The following MRAS variants were observed in gnomAD, a reference collection of about 807,000 sequenced individuals.
MRAS encodes the protein ras-related protein M-Ras.
MRAS carries 4 observed loss-of-function variants against 20.9 expected under a neutral mutation model. The observed-to-expected ratio is 0.19, with a 90% confidence interval of 0.09 to 0.44. The LOEUF (loss-of-function observed/expected upper bound fraction) is 0.44, where lower values mean the gene tolerates loss of function less well. Among genes scored for constraint, MRAS ranks in the 20% least tolerant of loss-of-function variants. MRAS has a pLI of 0.99. For missense variants in MRAS, 154 were observed against 277.5 expected (o/e 0.56, Z 3.16); for synonymous variants, 98 against 102.9 (o/e 0.95, Z 0.29).
intron 2 of MRAS, among the ~76,000 whole-genome samples, chr3:138,378,931 T>C (rs1187914161): frequency 6.6e-6 from 1 of 152,100 alleles, no homozygotes; most frequent in Non-Finnish European, 1.5e-5. Flanking sequence ...CCTTTTCTTT[T>C]ATTGATATCA....
intron 1 of MRAS, chr3:138,349,477 TG>T (rs1275469429): frequency 6.6e-6 from 1 of 152,358 alleles, no homozygotes; most frequent in Non-Finnish European, 1.5e-5. Context: ...GAGGAGTTAA[TG>T]TCTGGCTGGC....
chr3:138,404,107 C>T lies in MRAS; in HGVS notation c.*1838C>T, dbSNP rs961926341. Reference sequence around the variant, plus strand: ...AGGCACTTCAAAGTTTCCTTAGACCCTATAGTGTTAAGAGGTATTTTAAAC... The same window carrying T: ...AGGCACTTCAAAGTTTCCTTAGACCTTATAGTGTTAAGAGGTATTTTAAAC... On this transcript the variant is annotated 3_prime_UTR_variant, in exon 6 of 6. Transcript: ENST00000423968. 2 of 152,236 alleles carry T rather than the reference C, an allele frequency of 1.3e-5. No homozygotes were observed. The highest frequency in any genetic ancestry group is 2.9e-5 in the Non-Finnish European group (2 of 68,054). 9.4% of individuals were successfully genotyped at this position (152,236 alleles called of 1,614,324 possible). A position where few individuals can be genotyped will look rare whatever the true frequency, so the allele number is the denominator to read the frequency against.
intron 2 of MRAS, among the ~76,000 whole-genome samples, chr3:138,380,318 C>CT (rs959582615): frequency 1.5e-4 from 21 of 136,868 alleles, no homozygotes; most frequent in East Asian, 6.6e-4. Context: ...ATTCTACTTT[C>CT]TTTTTTTTTT....
At chr3:138,370,892 A>C (rs2054661193) in intron 1 of MRAS, among the ~76,000 whole-genome samples, 1 of 152,190 alleles carries the variant, frequency 6.6e-6, no homozygotes, top group African/African-American at 2.4e-5. Context: ...GATCAGGTGT[A>C]CTTACTAGCT....
intron 2 of MRAS, among the ~76,000 whole-genome samples, chr3:138,388,901 G>A (rs2055071273): frequency 6.6e-6 from 1 of 151,536 alleles, no homozygotes; most frequent in South Asian, 2.1e-4. Flanking sequence ...GAGTGCAGTG[G>A]CGCAGTCTCG....
intron 1 of MRAS, among the ~76,000 whole-genome samples, chr3:138,353,261 A>C (rs952340244): frequency 2.6e-5 from 4 of 152,224 alleles, no homozygotes. Flanking sequence ...TAAGTAAAAA[A>C]AAAGAAAATT....
At chr3:138,395,068 T>C (rs1331150670) in intron 2 of MRAS, among the ~76,000 whole-genome samples, 1 of 151,972 alleles carries the variant, frequency 6.6e-6, no homozygotes, top group East Asian at 1.9e-4. Flanking sequence ...CAGACGGAGT[T>C]TTGCTCTTAT....
rs552199711 is a variant in MRAS at position 138,363,312 on chromosome 3, C to T, written c.-18-9554C>T. 2.0e-5 allele frequency among the ~76,000 whole-genome samples: 3 copies of T among 152,268 alleles called. No individual in the cohort carries two copies. In the East Asian group the frequency reaches 5.8e-4, roughly 29 times the overall value. Reference sequence around the variant, plus strand: ...ACCTGACCTCGTGATTCACCCACCTCGGCCTTCCAAAGTGCTGGGATTACA... The same window carrying T: ...ACCTGACCTCGTGATTCACCCACCTTGGCCTTCCAAAGTGCTGGGATTACA... On this transcript the variant is annotated intron_variant, in intron 1 of 5. Transcript: ENST00000423968.
chr3:138,350,811 C>T (rs2054211815), intron 1 of MRAS, among the ~76,000 whole-genome samples: 1 of 152,026 alleles, frequency 6.6e-6, no homozygotes, highest in African/African-American at 2.4e-5. Context: ...GGCCTGGTGG[C>T]ATGCACCTGT....
At chr3:138,366,448 A>G (rs1560167969) in intron 1 of MRAS, among the ~76,000 whole-genome samples, 3 of 152,220 alleles carry the variant, frequency 2.0e-5, no homozygotes, top group South Asian at 4.1e-4. Context: ...GACTCTTTAA[A>G]ATAATTAGTA....
chr3:138,373,195 G>A, intron 2 of MRAS, 119 bp downstream of exon 2: 1 of 947,006 alleles, frequency 1.1e-6, no homozygotes, highest in Non-Finnish European at 1.5e-6. Context: ...TGGGATGGTT[G>A]ATATAAAGCC....
At chr3:138,352,421 A>C (rs1303192749) in intron 1 of MRAS, among the ~76,000 whole-genome samples, 1 of 152,184 alleles carries the variant, frequency 6.6e-6, no homozygotes, top group African/African-American at 2.4e-5. Flanking sequence ...ATGAAGCAGC[A>C]ATGTGTATTT....
At chr3:138,368,148 A>G (rs957638388) in intron 1 of MRAS, among the ~76,000 whole-genome samples, 1 of 152,192 alleles carries the variant, frequency 6.6e-6, no homozygotes, top group Non-Finnish European at 1.5e-5. Context: ...GCCATTTCCC[A>G]TGGAAACAAT....
chr3:138,386,507 G>T lies in MRAS; in HGVS notation c.194-10817G>T, dbSNP rs558663402. On this transcript the variant is annotated intron_variant, in intron 2 of 5. Coordinates refer to ENST00000423968, the MANE Select transcript of MRAS (RefSeq NM_001085049.3). ...CATTTTGTTTTTTGTTTTTGAGATG[G>T]AGTTTCACTCTTGTTGCCCTGACTG... is the stretch of plus-strand genomic sequence containing the variant. Among the ~76,000 whole-genome samples, 201 of 152,226 alleles carry T rather than the reference G, an allele frequency of 1.3e-3. 4 individuals are homozygous for T. In the South Asian group the frequency reaches 0.038, roughly 29 times the overall value.
intron 1 of MRAS, among the ~76,000 whole-genome samples, chr3:138,372,073 G>C (rs933317318): frequency 6.6e-6 from 1 of 152,060 alleles, no homozygotes; most frequent in Non-Finnish European, 1.5e-5. Flanking sequence ...TCTTCACTGG[G>C]GGGGACTGCC....
intron 1 of MRAS, among the ~76,000 whole-genome samples, chr3:138,367,866 G>A (rs753004436): frequency 6.6e-6 from 1 of 152,246 alleles, no homozygotes; most frequent in Non-Finnish European, 1.5e-5. Flanking sequence ...GGGAGCAAGA[G>A]GCAGACAACA....
Position 138,373,096 on chromosome 3 carries a change from C to A in MRAS, c.193+20C>A. 1 of 1,433,604 alleles carries A rather than the reference C, an allele frequency of 7.0e-7. No individual in the cohort carries two copies. Among genetic ancestry groups the A allele is most frequent in the Non-Finnish European group, 9.2e-7 (1 of 1,090,592 alleles). 88.8% of individuals were successfully genotyped at this position (1,433,604 alleles called of 1,614,324 possible). ...TGGACGGTGAGACCTGGGTGGCAGC[C>A]CTGCATTGGGTGGGATAGTAGATGG... is the stretch of plus-strand genomic sequence containing the variant. On this transcript the variant is annotated intron_variant, in intron 2 of 5. Transcript: ENST00000423968.
intron 1 of MRAS, among the ~76,000 whole-genome samples, chr3:138,367,015 G>A (rs1192715408): frequency 6.6e-6 from 1 of 152,168 alleles, no homozygotes; most frequent in Non-Finnish European, 1.5e-5. Flanking sequence ...GAACCTGGAA[G>A]CCTGAGGAGA....
rs138905383 is a variant in MRAS, at chr3:138,397,436, C to A, written c.306C>A (p.His102Gln). 6.2e-7 allele frequency: 1 copy of A among 1,614,136 alleles called. No homozygotes were observed. Among genetic ancestry groups the A allele is most frequent in the South Asian group, 1.1e-5 (1 of 91,082 alleles). The stretch of plus-strand genomic sequence containing the variant: ...TCACTGACAAGGCCAGCTTTGAGCA[C>A]GTGGACCGCTTCCACCAGCTTATCC... Reference protein sequence around the residue: ...YSVTDKASFEHVDRFHQLILR... With the variant: ...YSVTDKASFEQVDRFHQLILR... The change falls in exon 3 of 6, where the codon CAC (histidine) becomes CAA (glutamine). Residue 102 changes from histidine to glutamine, a missense_variant. Around this residue, in one of 3 missense-constraint regions of MRAS, gnomAD observed 125 missense variants for 213.5 expected, o/e 0.59. Transcript: ENST00000423968.
Sources: allele counts gnomAD v4.1 joint callset (sites outside exome capture counted in the v4.1 genomes callset), GRCh38; gene constraint gnomAD v4.1.1; regional missense constraint gnomAD v4.1.1; transcripts MANE v1.5; gene names NCBI Gene and HGNC (gene_info 2026-07-23, HGNC 2026-07-21).